The following SUN1 variants were observed in gnomAD, a reference collection of about 807,000 sequenced individuals.
SUN1 encodes the protein SUN domain-containing protein 1.
Under a neutral mutation model 103.2 loss-of-function variants are expected in SUN1, and 61 were observed. That is an observed-to-expected ratio of 0.59 (90% CI 0.48 to 0.73). The LOEUF is 0.73. Among genes scored for constraint, SUN1 ranks in the 30% least tolerant of loss-of-function variants. The probability of loss-of-function intolerance (pLI) is 0.00; values close to 1 mark genes in which losing one functional copy is unlikely to be tolerated. For missense variants in SUN1, 1,052 were observed against 1,034.6 expected (o/e 1.02, Z -0.23); for synonymous variants, 490 against 425.7 (o/e 1.15, Z -1.86).
At chr7:831,243 C>G (rs1325844920), upstream of SUN1, among the ~76,000 whole-genome samples, 1 of 151,086 alleles carries the variant, frequency 6.6e-6, no homozygotes, top group African/African-American at 2.4e-5. Flanking sequence ...GGCTGGGTGT[C>G]CCTGGAAAGA....
chr7:850,451 G>A (rs968020105), intron 5 of SUN1: 16 of 158,904 alleles, frequency 1.0e-4, no homozygotes, highest in Admixed American at 3.7e-4. Flanking sequence ...TGCCTGCCTC[G>A]GCCTCCCAAA....
intron 2 of SUN1, among the ~76,000 whole-genome samples, chr7:840,059 ATGTAAGAATAAGAGCTTC>A (rs1807755680): frequency 6.6e-6 from 1 of 152,214 alleles, no homozygotes; most frequent in Admixed American, 6.5e-5. Context: ...TATGTTGCTC[ATGTAAGAATAAGAGCTTC>A]CGTTCCAGTC....
intron 2 of SUN1, 145 bp downstream of exon 2, chr7:839,131 C>T (rs1391846790): frequency 2.9e-6 from 2 of 685,516 alleles, no homozygotes; most frequent in Non-Finnish European, 4.3e-6. Flanking sequence ...ACAAACCTGT[C>T]ATATAAAGTG....
At chr7:826,233 A>G (rs1458584997) in intron 1 of SUN1, among the ~76,000 whole-genome samples, 1 of 152,174 alleles carries the variant, frequency 6.6e-6, no homozygotes, top group Non-Finnish European at 1.5e-5. Context: ...GTCTCTTAAA[A>G]TACATACATA....
chr7:818,379 T>C (rs75125033), intron 1 of SUN1, among the ~76,000 whole-genome samples: 37 of 152,348 alleles, frequency 2.4e-4, no homozygotes, highest in Non-Finnish European at 4.1e-4. Flanking sequence ...TCCATTCCTT[T>C]TTATGACTGA....
At chr7:870,205 T>TAAA (rs34486427) in intron 17 of SUN1, among the ~76,000 whole-genome samples, 10 of 137,194 alleles carry the variant, frequency 7.3e-5, no homozygotes, top group African/African-American at 1.1e-4. Context: ...ACCCTGTCTT[T>TAAA]AAAAAAAAAA....
chr7:830,967 G>A (rs1584187598), upstream of SUN1: 1 of 985,518 alleles, frequency 1.0e-6, no homozygotes, highest in Non-Finnish European at 1.2e-6. Context: ...CAGGCATGGT[G>A]TATAGGTGGA....
intron 7 of SUN1, chr7:852,352 G>A: frequency 1.7e-6 from 1 of 601,698 alleles, no homozygotes; most frequent in Middle Eastern, 4.5e-4. Flanking sequence ...TCAGAAGGCT[G>A]TGATCCGAAG....
At chr7:835,319 ACT>A (rs1395751424) in intron 1 of SUN1, among the ~76,000 whole-genome samples, 3 of 152,116 alleles carry the variant, frequency 2.0e-5, no homozygotes, top group Non-Finnish European at 4.4e-5. Flanking sequence ...CCGAACACTT[ACT>A]CTCAACTTCC....
At chr7:844,420 G>T (rs55663559) in intron 5 of SUN1, among the ~76,000 whole-genome samples, 1 of 152,126 alleles carries the variant, frequency 6.6e-6, no homozygotes. Flanking sequence ...GGCATTGCCC[G>T]GGACGTGGGG....
chr7:826,904 C>T (rs1386443339), intron 1 of SUN1, among the ~76,000 whole-genome samples: 1 of 152,194 alleles, frequency 6.6e-6, no homozygotes, highest in Non-Finnish European at 1.5e-5. Context: ...TGTTTATAGG[C>T]TGAAGGGAAG....
chr7:856,239 C>G (rs1827163600), intron 11 of SUN1, 119 bp from the exon 12 acceptor site: 1 of 1,029,862 alleles, frequency 9.7e-7, no homozygotes, highest in Admixed American at 2.1e-5. Flanking sequence ...ACAGGCAGAT[C>G]TGGACTTTGA....
chr7:873,062 G>C (rs1842820149), intron 18 of SUN1, among the ~76,000 whole-genome samples, 153 bp from the exon 19 acceptor site: 1 of 152,346 alleles, frequency 6.6e-6, no homozygotes, highest in Non-Finnish European at 1.5e-5. Flanking sequence ...ACTCCAGCCT[G>C]GGTGACAGGG....
intron 5 of SUN1, chr7:851,111 T>C (rs544573894): frequency 2.3e-5 from 6 of 259,958 alleles, no homozygotes; most frequent in Non-Finnish European, 4.5e-5. Flanking sequence ...CTGGGGTTTT[T>C]AGGAGATATC....
rs145337558 is a variant in SUN1 at position 861,461 on chromosome 7, G to A, written c.1861G>A (p.Gly621Ser). ...TGMVDFALES[G>S]GGSILSTRCS... is the part of the protein sequence containing the mutation. Reference sequence around the variant, plus strand: ...GATGGTGGACTTTGCTCTGGAATCTGGTGGTGAGTAAATAGACGTTCTGAT... The same window carrying A: ...GATGGTGGACTTTGCTCTGGAATCTAGTGGTGAGTAAATAGACGTTCTGAT... Residue 621 changes from glycine (G) to serine (S), a missense_variant, in exon 15 of 19, where the codon GGT (glycine) becomes AGT (serine). Transcript: ENST00000401592. The A allele has an allele frequency of 6.8e-5, 109 of 1,614,186 alleles. No individual in the cohort carries two copies. The African/African-American group carries it at 1.4e-3, about 21-fold the overall frequency.
intron 14 of SUN1, 71 bp from the exon 15 acceptor site, chr7:861,309 C>A: frequency 6.8e-7 from 1 of 1,480,926 alleles, no homozygotes; most frequent in Non-Finnish European, 9.4e-7. Context: ...GGTCCTCATC[C>A]ATGGCACTAA....
intron 13 of SUN1, 85 bp downstream of exon 13, chr7:858,042 T>A (rs921039037): frequency 5.8e-5 from 81 of 1,396,784 alleles, no homozygotes; most frequent in Non-Finnish European, 7.3e-5. Flanking sequence ...ATTAGCTGTT[T>A]AATTTTTTAT....
chr7:853,305 C>A, intron 9 of SUN1, 104 bp from the exon 10 acceptor site: 6 of 1,344,332 alleles, frequency 4.5e-6, no homozygotes, highest in Admixed American at 1.8e-5. Context: ...GTGCCGTGCG[C>A]CCCAGAGCTG....
At chr7:850,241 C>G in intron 5 of SUN1, 1 of 553,588 alleles carries the variant, frequency 1.8e-6, no homozygotes, top group Non-Finnish European at 3.2e-6. Context: ...CTCTGTTGCC[C>G]AGGCTGGAGT....
Sources: gnomAD v4.1 joint callset for allele counts (sites outside exome capture counted in the v4.1 genomes callset) on GRCh38, gnomAD v4.1.1 for gene constraint, MANE v1.5 for transcripts, NCBI Gene and HGNC (gene_info 2026-07-23, HGNC 2026-07-21) for gene names.